DLGAP2: variants seen among roughly 807,000 people sequenced by gnomAD.
DLGAP2 encodes DLG associated protein 2, also known as disks large-associated protein 2.
Under a neutral mutation model 100.3 loss-of-function variants are expected in DLGAP2, and 26 were observed. The observed-to-expected ratio is 0.26, with a 90% CI of 0.19 to 0.36. The LOEUF (loss-of-function observed/expected upper bound fraction) is 0.36, where lower values mean the gene tolerates loss of function less well. Among genes scored for constraint, DLGAP2 ranks in the 10% least tolerant of loss-of-function variants. DLGAP2 has a pLI of 1.00. For synonymous variants in DLGAP2, 886 were observed against 630.1 expected, an observed-to-expected ratio of 1.41 and a Z score of -6.08; for missense variants, 1,858 against 1,453.2, an observed-to-expected ratio of 1.28 and a Z score of -4.53.
rs2116695683 is a variant in DLGAP2, at chr8:1,178,214, G to T, written c.74-80637G>T. Reference sequence around the variant, plus strand: ...ATAGTAGTTAAATGTGCATAAGCAGGTAATGTCCCAGAGATGATTTATGGA... The same window carrying T: ...ATAGTAGTTAAATGTGCATAAGCAGTTAATGTCCCAGAGATGATTTATGGA... On this transcript the variant is annotated intron_variant, in intron 2 of 14. Coordinates refer to ENST00000637795, the MANE Select transcript of DLGAP2 (RefSeq NM_001346810.2). 1.3e-5 allele frequency among the ~76,000 whole-genome samples: 2 copies of T among 152,374 alleles called. 1 individual carries two copies. Among genetic ancestry groups the T allele is most frequent in the South Asian group, 4.1e-4 (2 of 4,828 alleles).
At chr8:856,515 C>T (rs1217669529) in intron 1 of DLGAP2, among the ~76,000 whole-genome samples, 1 of 152,124 alleles carries the variant, frequency 6.6e-6, no homozygotes, top group African/African-American at 2.4e-5. Flanking sequence ...AACTAATAAA[C>T]AGTTTTAGCA....
chr8:1,098,672 C>A, intron 2 of DLGAP2, among the ~76,000 whole-genome samples: 1 of 130,866 alleles, frequency 7.6e-6, no homozygotes, highest in South Asian at 2.4e-4. Context: ...ACGCCAGGCT[C>A]CCGGCCGCCC....
intron 2 of DLGAP2, among the ~76,000 whole-genome samples, chr8:1,216,401 T>G (rs1798213687): frequency 6.6e-6 from 1 of 152,068 alleles, no homozygotes; most frequent in Non-Finnish European, 1.5e-5. Flanking sequence ...CAGGCTGGAG[T>G]GCAGTGGCTC....
intron 2 of DLGAP2, among the ~76,000 whole-genome samples, chr8:921,291 A>T (rs951344270): frequency 7.2e-5 from 11 of 152,096 alleles, no homozygotes; most frequent in Non-Finnish European, 1.3e-4. Flanking sequence ...TGTTGGTCAG[A>T]CCCGTCCTCC....
chr8:1,510,769 C>T (rs1310471753), intron 4 of DLGAP2, among the ~76,000 whole-genome samples: 1 of 152,224 alleles, frequency 6.6e-6, no homozygotes. Context: ...ATCCACACTG[C>T]TTCCCCAAGG....
intron 3 of DLGAP2, among the ~76,000 whole-genome samples, chr8:1,264,798 C>T (rs1774074174): frequency 6.6e-6 from 1 of 152,174 alleles, no homozygotes; most frequent in South Asian, 2.1e-4. Flanking sequence ...CTTGAATTGT[C>T]ACTCCCATAA....
intron 2 of DLGAP2, among the ~76,000 whole-genome samples, chr8:1,243,890 C>T (rs1373119409): frequency 2.0e-5 from 3 of 152,244 alleles, no homozygotes; most frequent in African/African-American, 7.2e-5. Context: ...TCCAGTGCCT[C>T]AGCATCTGTT....
chr8:1,690,462 T>C (rs1254213122), intron 12 of DLGAP2, among the ~76,000 whole-genome samples: 2 of 151,886 alleles, frequency 1.3e-5, no homozygotes, highest in Non-Finnish European at 2.9e-5. Flanking sequence ...CCCAGCTTTT[T>C]GGGAGGCTGA....
chr8:1,368,942 C>G (rs1802173436), intron 3 of DLGAP2: 1 of 152,186 alleles, frequency 6.6e-6, no homozygotes, highest in Non-Finnish European at 1.5e-5. Context: ...TCGTCCGTTC[C>G]TGTGCCAAAC....
chr8:1,177,092 C>G (rs1211410829), intron 2 of DLGAP2, among the ~76,000 whole-genome samples: 1 of 152,202 alleles, frequency 6.6e-6, no homozygotes, highest in Non-Finnish European at 1.5e-5. Context: ...ATATAGTCAA[C>G]ATGGTCTAAC....
At chr8:1,155,845 G>A (rs574104825) in intron 2 of DLGAP2, among the ~76,000 whole-genome samples, 14 of 152,328 alleles carry the variant, frequency 9.2e-5, no homozygotes, top group South Asian at 8.3e-4. Flanking sequence ...GGCGAGCGGC[G>A]TGTGTGGAGA....
intron 3 of DLGAP2, among the ~76,000 whole-genome samples, chr8:1,292,331 C>T (rs1460496469): frequency 6.6e-6 from 1 of 152,166 alleles, no homozygotes; most frequent in Non-Finnish European, 1.5e-5. Context: ...TGTGGTCTGA[C>T]ATCCTGTGGA....
chr8:1,455,242 G>A (rs970980831), intron 3 of DLGAP2, among the ~76,000 whole-genome samples: 8 of 152,388 alleles, frequency 5.2e-5, no homozygotes, highest in Admixed American at 3.9e-4. Context: ...CCAGTCAGGT[G>A]CAGGTGCAGG....
At chr8:1,120,818 C>G (rs1442883044) in intron 2 of DLGAP2, among the ~76,000 whole-genome samples, 1 of 152,002 alleles carries the variant, frequency 6.6e-6, no homozygotes, top group African/African-American at 2.4e-5. Flanking sequence ...GTCTCCCATC[C>G]TCGTCCAGTT....
At chr8:1,165,180 G>A (rs1021483606) in intron 2 of DLGAP2, among the ~76,000 whole-genome samples, 4 of 150,508 alleles carry the variant, frequency 2.7e-5, no homozygotes, top group African/African-American at 9.9e-5. Context: ...GAGAGAGGGA[G>A]GGTGGGAGGG....
chr8:1,266,545 C>A (rs902422308), intron 3 of DLGAP2, among the ~76,000 whole-genome samples: 3 of 152,220 alleles, frequency 2.0e-5, no homozygotes, highest in Admixed American at 6.5e-5. Flanking sequence ...GTCAGTTCCT[C>A]CTCTGTTGGA....
intron 3 of DLGAP2, among the ~76,000 whole-genome samples, chr8:1,287,104 TTAAGAGGGGAACTAGTTTCGGTTCAGC>T (rs1799937756): frequency 6.6e-6 from 1 of 150,820 alleles, no homozygotes; most frequent in African/African-American, 2.4e-5. Flanking sequence ...GTGTGCATGG[TTAAGAGGGGAACTAGTTTCGGTTCAGC>T]GTGTGTGTGT....
chr8:1,103,793 C>A (rs564873774), intron 2 of DLGAP2, among the ~76,000 whole-genome samples: 2 of 150,048 alleles, frequency 1.3e-5, no homozygotes, highest in African/African-American at 2.5e-5. Flanking sequence ...ACTGGCGGGG[C>A]CTTGGTTGAC....
chr8:1,659,004 G>C (rs1216175947), intron 8 of DLGAP2, among the ~76,000 whole-genome samples: 1 of 152,120 alleles, frequency 6.6e-6, no homozygotes, highest in Non-Finnish European at 1.5e-5. Context: ...TGTGTTAGCT[G>C]TGTCCCAGAA....
Sources: gnomAD v4.1 joint callset for allele counts (sites outside exome capture counted in the v4.1 genomes callset) on GRCh38, gnomAD v4.1.1 for gene constraint, MANE v1.5 for transcripts, NCBI Gene and HGNC (gene_info 2026-07-23, HGNC 2026-07-21) for gene names.